Variants in SERPINA3 observed in about 807,000 individuals in gnomAD.
The protein encoded by SERPINA3 is alpha-1-antichymotrypsin.
In SERPINA3, 32 loss-of-function variants were observed where a neutral mutation model predicts 26.8. The ratio of observed to expected loss-of-function variants is 1.20; its 90% confidence interval spans 0.90 to 1.61. The LOEUF (loss-of-function observed/expected upper bound fraction) is 1.61. Among genes scored for constraint, SERPINA3 ranks in the 40% most tolerant of loss-of-function variants. The pLI is 0.00. For synonymous variants in SERPINA3, 252 were observed against 206.4 expected, an observed-to-expected ratio of 1.22 and a Z score of -1.89; for missense variants, 632 against 517.9, an observed-to-expected ratio of 1.22 and a Z score of -2.14.
Position 94,614,626 on chromosome 14 carries a change from A to G in SERPINA3, c.185A>G (p.Lys62Arg). The G allele has an allele frequency of 1.2e-6, 2 of 1,614,050 alleles. No individual in the cohort carries two copies. ...GTGGACTTCGCTTTCAGCCTGTACAAGCAGTTAGTCCTGAAGGCCCCTGAT... is the reference window on the plus strand; with the variant it reads ...GTGGACTTCGCTTTCAGCCTGTACAGGCAGTTAGTCCTGAAGGCCCCTGAT... Reference protein sequence around the residue: ...ANVDFAFSLYKQLVLKAPDKN... With the variant: ...ANVDFAFSLYRQLVLKAPDKN... The change falls in exon 2 of 5, where the codon AAG (lysine) becomes AGG (arginine). Residue 62 changes from lysine (K) to arginine (R), a missense_variant. Transcript: ENST00000393078.
rs61976121 is a variant in SERPINA3, at chr14:94,613,363, G to A, written c.-9+916G>A. 5.8e-3 allele frequency: 877 copies of A among 152,320 alleles called. 6 individuals are homozygous for A. Among genetic ancestry groups the A allele is most frequent in the Admixed American group, 0.015 (230 of 15,276 alleles). The allele number at this position is 152,320 out of a possible 1,614,324, so 9.4% of individuals were successfully genotyped here. The stretch of plus-strand genomic sequence containing the variant: ...GAATTCTAGGACTGAGTGGGCGGAG[G>A]CTGAAGGTGAATAATCTTGTTTGCT... On this transcript the variant is annotated intron_variant, in intron 1 of 4. Transcript: ENST00000393078.
chr14:94,620,359 C>T (rs2139962457), intron 3 of SERPINA3, among the ~76,000 whole-genome samples: 1 of 152,312 alleles, frequency 6.6e-6, no homozygotes, highest in South Asian at 2.1e-4. Context: ...GAAGAGTGCG[C>T]TGGCATTGCC....
intron 4 of SERPINA3, among the ~76,000 whole-genome samples, chr14:94,623,255 A>T (rs1285722258): frequency 2.0e-5 from 3 of 152,230 alleles, no homozygotes; most frequent in Non-Finnish European, 4.4e-5. Flanking sequence ...GATGTTGCTT[A>T]GAAGAAAAAT....
Position 94,614,879 on chromosome 14 carries a change from A to T in SERPINA3, c.438A>T (p.Gln146His). 1 of 1,614,126 alleles carries T rather than the reference A, an allele frequency of 6.2e-7. No individual in the cohort carries two copies. Among genetic ancestry groups the T allele is most frequent in the Non-Finnish European group, 8.5e-7 (1 of 1,180,014 alleles). ...SMGNAMFVKEQLSLLDRFTED... is the reference protein window; with the variant it reads ...SMGNAMFVKEHLSLLDRFTED... ...GAAATGCCATGTTTGTCAAAGAGCAACTCAGTCTGCTGGACAGGTTCACGG... is the reference window on the plus strand; with the variant it reads ...GAAATGCCATGTTTGTCAAAGAGCATCTCAGTCTGCTGGACAGGTTCACGG... Residue 146 changes from glutamine (Q) to histidine (H), a missense_variant, in exon 2 of 5, where the codon CAA becomes CAT. Coordinates refer to ENST00000393078, the MANE Select transcript of SERPINA3 (RefSeq NM_001085.5).
chr14:94,615,196 TG>T, intron 2 of SERPINA3, 112 bp downstream of exon 2: 1 of 1,213,930 alleles, frequency 8.2e-7, no homozygotes, highest in Non-Finnish European at 1.2e-6. Flanking sequence ...GCCCACAGCA[TG>T]GGGGCAGCAT....
At position 94,622,444 on chromosome 14, in the gene SERPINA3, G is replaced by C; in HGVS notation, c.1021G>C (p.Ala341Pro). 2 of 1,614,150 alleles carry C rather than the reference G, an allele frequency of 1.2e-6. No individual in the cohort carries two copies. The highest frequency in any genetic ancestry group is 2.7e-5 in the African/African-American group (2 of 75,028). ...CATTGAGGAAGCCTTCACCAGCAAG[G>C]CTGACCTGTCAGGGATCACAGGGGC... ...LGIEEAFTSK[A>P]DLSGITGARN... is the part of the protein sequence containing the mutation. The change falls in exon 4 of 5, where the codon GCT becomes CCT. Residue 341 changes from alanine (A) to proline (P), a missense_variant. Ala to Pro is a conservative substitution (Grantham distance 27, BLOSUM62 -1). Transcript: ENST00000393078.
intron 1 of SERPINA3, chr14:94,614,116 C>T (rs375453960): frequency 1.0e-4 from 39 of 372,974 alleles, no homozygotes; most frequent in Admixed American, 1.2e-4. Context: ...GCTTACAGAC[C>T]GAGGAGCCAG....
chr14:94,613,028 G>A (rs1235215056), intron 1 of SERPINA3, among the ~76,000 whole-genome samples: 1 of 152,192 alleles, frequency 6.6e-6, no homozygotes, highest in Non-Finnish European at 1.5e-5. Context: ...CTTTGCCCCT[G>A]AAATAATTCT....
intron 2 of SERPINA3, among the ~76,000 whole-genome samples, chr14:94,617,473 TAAAG>T (rs1361686745): frequency 2.0e-5 from 3 of 151,804 alleles, no homozygotes; most frequent in South Asian, 2.1e-4. Flanking sequence ...AAAACCAAAA[TAAAG>T]AAAGAAAGGA....
chr14:94,615,198 G>T, intron 2 of SERPINA3, 114 bp downstream of exon 2: 10 of 1,177,920 alleles, frequency 8.5e-6, no homozygotes, highest in Non-Finnish European at 1.3e-5. Context: ...CCACAGCATG[G>T]GGGCAGCATA....
intron 4 of SERPINA3, 46 bp from the exon 5 acceptor site, chr14:94,623,565 C>T: frequency 6.3e-7 from 1 of 1,582,180 alleles, no homozygotes; most frequent in Non-Finnish European, 8.7e-7. Context: ...CGCTGAACTC[C>T]TGCGCATCTG....
chr14:94,617,347 G>T (rs946480936), intron 2 of SERPINA3, among the ~76,000 whole-genome samples: 3 of 152,202 alleles, frequency 2.0e-5, no homozygotes, highest in African/African-American at 7.2e-5. Flanking sequence ...AGGAAAGATG[G>T]ACAGTTATTT....
Position 94,619,415 on chromosome 14 carries a change from A to T in SERPINA3, c.864A>T (p.Glu288Asp). ...LPDQDKMEEVEAMLLPETLKR... is the reference protein window; with the variant it reads ...LPDQDKMEEVDAMLLPETLKR... ...ATCAAGACAAGATGGAGGAAGTGGA[A>T]GCCATGCTGCTCCCAGAGACCCTGA... The change falls in exon 3 of 5, where the codon GAA (glutamate) becomes GAT (aspartate). Residue 288 changes from glutamate (E) to aspartate (D), a missense_variant. Physicochemically the swap from Glu to Asp is conservative, Grantham distance 45. Transcript: ENST00000393078. 3.7e-6 allele frequency: 6 copies of T among 1,614,146 alleles called. No individual in the cohort carries two copies. Among genetic ancestry groups the T allele is most frequent in the Non-Finnish European group, 4.2e-6 (5 of 1,180,030 alleles).
intron 2 of SERPINA3, chr14:94,618,886 T>G: frequency 2.0e-6 from 1 of 488,112 alleles, no homozygotes; most frequent in Non-Finnish European, 3.8e-6. Context: ...GCCTCCCACA[T>G]GTTGTCATGC....
intron 2 of SERPINA3, among the ~76,000 whole-genome samples, chr14:94,617,102 G>A (rs146667676): frequency 1.5e-3 from 229 of 152,222 alleles, no homozygotes; most frequent in African/African-American, 5.0e-3. Flanking sequence ...AAAGGAGCTC[G>A]GTGCCCTGGG....
chr14:94,619,708 G>A lies in SERPINA3; in HGVS notation c.917+240G>A, dbSNP rs575579422. ...CTGACTCCAGCATGTTCTAAGTCAT[G>A]AGAAATCTTCTGCACAGTCCCAAAC... On this transcript the variant is annotated intron_variant, in intron 3 of 4. Transcript: ENST00000393078. 5.2e-5 allele frequency: 30 copies of A among 572,532 alleles called. 1 individual carries two copies. The South Asian group carries it at 5.6e-4, about 11-fold the overall frequency. The allele number at this position is 572,532 out of a possible 1,614,324, so 35.5% of individuals were successfully genotyped here.
chr14:94,619,592 G>T (rs764181173), intron 3 of SERPINA3, 124 bp downstream of exon 3: 5 of 1,173,216 alleles, frequency 4.3e-6, no homozygotes, highest in Non-Finnish European at 6.2e-6. Flanking sequence ...CACTTACTTT[G>T]CCCTATGCTG....
intron 3 of SERPINA3, chr14:94,619,939 T>C (rs1196627856): frequency 5.1e-6 from 1 of 195,716 alleles, no homozygotes; most frequent in Non-Finnish European, 1.1e-5. Context: ...ACCCTGAGAG[T>C]AAATCAGCAA....
In SERPINA3 at chr14:94,615,055, T is replaced by A. The variant is rs1394856275; in HGVS notation, c.614T>A (p.Met205Lys). The change falls in exon 2 of 5, where the codon ATG (methionine) becomes AAG (lysine). Residue 205 changes from methionine (M) to lysine (K), a missense_variant. Coordinates refer to ENST00000393078, the MANE Select transcript of SERPINA3 (RefSeq NM_001085.5). ...LIKDLDSQTM[M>K]VLVNYIFFKA... ...AAGGACCTTGACTCGCAGACAATGA[T>A]GGTCCTGGTGAATTACATCTTCTTT... The A allele has an allele frequency of 6.2e-7, 1 of 1,613,984 alleles. No homozygotes were observed.
Sources: allele counts gnomAD v4.1 joint callset (sites outside exome capture counted in the v4.1 genomes callset), GRCh38; gene constraint gnomAD v4.1.1; transcripts MANE v1.5; gene names NCBI Gene and HGNC (gene_info 2026-07-23, HGNC 2026-07-21).